Variants in SLC36A2 observed in about 807,000 individuals in gnomAD.
The protein encoded by SLC36A2 is solute carrier family 36 member 2.
Under a neutral mutation model 42.7 loss-of-function variants are expected in SLC36A2, and 39 were observed. The observed-to-expected ratio is 0.91, with a 90% CI of 0.71 to 1.19. The LOEUF (loss-of-function observed/expected upper bound fraction) is 1.19, where lower values mean the gene tolerates loss of function less well. Ranked by LOEUF, SLC36A2 falls within the 50% of genes most tolerant of loss-of-function variation. The probability of loss-of-function intolerance (pLI) is 0.00; values close to 1 mark genes in which losing one functional copy is unlikely to be tolerated. For missense variants in SLC36A2, 590 were observed against 613.7 expected (o/e 0.96, Z 0.41); for synonymous variants, 237 against 240.8 (o/e 0.98, Z 0.15).
intron 9 of SLC36A2, among the ~76,000 whole-genome samples, chr5:151,318,555 AAT>A (rs1410030457): frequency 6.9e-6 from 1 of 145,892 alleles, no homozygotes; most frequent in African/African-American, 2.5e-5. Context: ...TTATTTATAA[AAT>A]ATATTTTTAT....
intron 7 of SLC36A2, among the ~76,000 whole-genome samples, chr5:151,332,909 T>C (rs921828683): frequency 2.6e-5 from 4 of 152,214 alleles, no homozygotes; most frequent in African/African-American, 9.6e-5. Flanking sequence ...TTTAATCAAA[T>C]CCTTTAAATT....
Position 151,347,524 on chromosome 5 carries a change from G to A in SLC36A2, c.-64C>T. On this transcript the variant is annotated 5_prime_UTR_variant, in exon 1 of 10. Transcript: ENST00000335244. ...GTCTGCTCTGGAAGGAGGGAAGCAG[G>A]AAGGTGTCTAGTGTAGATGTACACC... 1.3e-6 allele frequency: 2 copies of A among 1,596,274 alleles called. No homozygotes were observed. Among genetic ancestry groups the A allele is most frequent in the South Asian group, 1.1e-5 (1 of 90,568 alleles).
At chr5:151,339,937 A>T (rs1329340283) in intron 4 of SLC36A2, among the ~76,000 whole-genome samples, 1 of 152,220 alleles carries the variant, frequency 6.6e-6, no homozygotes. Flanking sequence ...CCATGGTGAA[A>T]AGGGCATTTT....
At chr5:151,332,626 C>G (rs1364714879) in intron 7 of SLC36A2, 1 of 281,554 alleles carries the variant, frequency 3.6e-6, no homozygotes, top group Non-Finnish European at 7.0e-6. Flanking sequence ...CTCATACATA[C>G]TGTATGATCC....
At chr5:151,347,273 G>A (rs377657972) in intron 1 of SLC36A2, 24 bp downstream of exon 1, 24 of 1,613,832 alleles carry the variant, frequency 1.5e-5, no homozygotes, top group Middle Eastern at 3.3e-4. Flanking sequence ...AGCAGAAATA[G>A]GGATGGCAGA....
Position 151,316,126 on chromosome 5 carries a change from T to G in SLC36A2, c.*691A>C, listed in dbSNP as rs1755484007. 1 of 152,348 alleles carries G rather than the reference T, an allele frequency of 6.6e-6. No individual in the cohort carries two copies. The highest frequency in any genetic ancestry group is 1.5e-5 in the Non-Finnish European group (1 of 68,162). 9.4% of individuals were successfully genotyped at this position (152,348 alleles called of 1,614,324 possible). On this transcript the variant is annotated 3_prime_UTR_variant, in exon 10 of 10. Coordinates refer to ENST00000335244, the MANE Select transcript of SLC36A2 (RefSeq NM_181776.3). ...ACAGACCCAGAAAAGGGAAAACCGGTTGTCTGCCAAAGTGTGGACAGTCTT... is the reference window on the plus strand; with the variant it reads ...ACAGACCCAGAAAAGGGAAAACCGGGTGTCTGCCAAAGTGTGGACAGTCTT...
Position 151,343,581 on chromosome 5 carries a change from C to G in SLC36A2, c.273G>C (p.Leu91=). 1 of 1,614,144 alleles carries G rather than the reference C, an allele frequency of 6.2e-7. No homozygotes were observed. The highest frequency in any genetic ancestry group is 8.5e-7 in the Non-Finnish European group (1 of 1,180,022). Residue 91 remains leucine, a synonymous_variant, in exon 3 of 10, where the codon CTG becomes CTC. Transcript: ENST00000335244. ...GGCAGGCAATGAAGCCCATCACCAGCAGACTGAGTGGGCCCATCTGGAGGA... is the reference window on the plus strand; with the variant it reads ...GGCAGGCAATGAAGCCCATCACCAGGAGACTGAGTGGGCCCATCTGGAGGA... ...NAGILMGPLS[L]LVMGFIACHC...
rs369302604 is a variant in SLC36A2, at chr5:151,344,214, A to G, written c.218T>C (p.Leu73Pro). Reference sequence around the variant, plus strand: ...GTTCTTCACAGCGAGGGGTAGTCCCAGGATCCCTGTGCCCATGTTGCCTTT... The same window carrying G: ...GTTCTTCACAGCGAGGGGTAGTCCCGGGATCCCTGTGCCCATGTTGCCTTT... ...LVKGNMGTGILGLPLAVKNAG... is the reference protein window; with the variant it reads ...LVKGNMGTGIPGLPLAVKNAG... Residue 73 changes from leucine (L) to proline (P), a missense_variant, in exon 2 of 10, where the codon CTG becomes CCG. By Grantham distance (98) the Leu-to-Pro change is moderately conservative. Coordinates refer to ENST00000335244, the MANE Select transcript of SLC36A2 (RefSeq NM_181776.3). 6.8e-6 allele frequency: 11 copies of G among 1,614,070 alleles called. No homozygotes were observed. Among genetic ancestry groups the G allele is most frequent in the African/African-American group, 4.0e-5 (3 of 74,940 alleles).
At chr5:151,321,967 T>C in intron 9 of SLC36A2, 79 bp downstream of exon 9, 1 of 1,579,052 alleles carries the variant, frequency 6.3e-7, no homozygotes, top group Non-Finnish European at 8.7e-7. Context: ...TGTAAGCCAA[T>C]GCATCCGGCC....
chr5:151,332,541 A>G (rs979431778), intron 7 of SLC36A2: 9 of 429,942 alleles, frequency 2.1e-5, no homozygotes, highest in Non-Finnish European at 4.2e-5. Flanking sequence ...ATAGAAAGCA[A>G]GGTGTTATTG....
At chr5:151,320,365 G>A in intron 9 of SLC36A2, among the ~76,000 whole-genome samples, 1 of 148,912 alleles carries the variant, frequency 6.7e-6, no homozygotes, top group East Asian at 2.0e-4. Flanking sequence ...TCGGTGTACT[G>A]ATAATTATCT....
intron 8 of SLC36A2, among the ~76,000 whole-genome samples, chr5:151,323,339 C>T (rs1755754919): frequency 6.6e-6 from 1 of 152,166 alleles, no homozygotes; most frequent in South Asian, 2.1e-4. Flanking sequence ...TTCCACATTT[C>T]TGTGTTTCTT....
Position 151,322,218 on chromosome 5 carries a change from G to A in SLC36A2, c.1011-3C>T, listed in dbSNP as rs1196830967. On this transcript the variant is annotated splice_polypyrimidine_tract_variant and splice_region_variant and intron_variant, in intron 8 of 9. Coordinates refer to ENST00000335244, the MANE Select transcript of SLC36A2 (RefSeq NM_181776.3). ...GAAGCTTGACAGACTGGTACAGCCT[G>A]CAAGACAAACCACAGAGCTGCTCTC... The A allele has an allele frequency of 5.0e-6, 8 of 1,613,802 alleles. No homozygotes were observed. Among genetic ancestry groups the A allele is most frequent in the African/African-American group, 1.3e-5 (1 of 74,930 alleles).
At chr5:151,329,856 A>G (rs911143907) in intron 7 of SLC36A2, among the ~76,000 whole-genome samples, 1 of 152,156 alleles carries the variant, frequency 6.6e-6, no homozygotes, top group Non-Finnish European at 1.5e-5. Context: ...CAGGCCCTCA[A>G]ATAGGTGGAT....
chr5:151,339,806 A>G (rs1199270311), intron 4 of SLC36A2, among the ~76,000 whole-genome samples: 1 of 152,214 alleles, frequency 6.6e-6, no homozygotes, highest in East Asian at 1.9e-4. Flanking sequence ...TTTTTCTGCC[A>G]TGTGCCAGAA....
intron 8 of SLC36A2, among the ~76,000 whole-genome samples, chr5:151,323,057 G>A (rs868280321): frequency 2.6e-5 from 4 of 152,038 alleles, no homozygotes; most frequent in South Asian, 2.1e-4. Flanking sequence ...CCAACATGGC[G>A]AAACCCTACC....
At chr5:151,322,963 C>T (rs1580845448) in intron 8 of SLC36A2, among the ~76,000 whole-genome samples, 1 of 152,190 alleles carries the variant, frequency 6.6e-6, no homozygotes, top group Non-Finnish European at 1.5e-5. Flanking sequence ...ATGCTGGGCA[C>T]AGTGGCTCAC....
At chr5:151,329,532 C>T (rs545936059) in intron 7 of SLC36A2, among the ~76,000 whole-genome samples, 2 of 152,170 alleles carry the variant, frequency 1.3e-5, no homozygotes, top group Admixed American at 1.3e-4. Context: ...GTAATATAAC[C>T]GTACTCCAAA....
intron 7 of SLC36A2, among the ~76,000 whole-genome samples, chr5:151,327,015 A>G (rs1755872237): frequency 6.6e-6 from 1 of 151,822 alleles, no homozygotes; most frequent in Non-Finnish European, 1.5e-5. Flanking sequence ...GAGTTTTGCC[A>G]TGTTGCTCAC....
Sources: allele counts gnomAD v4.1 joint callset (sites outside exome capture counted in the v4.1 genomes callset), GRCh38; gene constraint gnomAD v4.1.1; transcripts MANE v1.5; gene names NCBI Gene and HGNC (gene_info 2026-07-23, HGNC 2026-07-21).